CCDC159: variants seen among roughly 807,000 people sequenced by gnomAD.
CCDC159 encodes coiled-coil domain containing 159.
In CCDC159, 40 loss-of-function variants were observed where a neutral mutation model predicts 50.9. That is an observed-to-expected ratio of 0.79 (90% CI 0.61 to 1.02). The LOEUF (loss-of-function observed/expected upper bound fraction) is 1.02, where lower values mean the gene tolerates loss of function less well. Ranked by LOEUF, CCDC159 falls within the 50% of genes least tolerant of loss-of-function variation. CCDC159 has a pLI of 0.00. For synonymous variants in CCDC159, 146 were observed against 138.9 expected, an observed-to-expected ratio of 1.05 and a Z score of -0.36; for missense variants, 356 against 371.5, an observed-to-expected ratio of 0.96 and a Z score of 0.34.
intron 5 of CCDC159, 71 bp from the exon 6 acceptor site, chr19:11,351,835 G>A (rs999804424): frequency 5.0e-6 from 7 of 1,387,778 alleles, no homozygotes; most frequent in East Asian, 2.5e-5. Context: ...GATGGGTGGA[G>A]GCACAGATAG....
Position 11,353,462 on chromosome 19 carries a change from G to A in CCDC159, c.579G>A (p.Lys193=). ...TQVKCRKILT[K]MKQQGHETAA... ...CCTCCCCACCCCAGATCCTGACCAA[G>A]ATGAAGCAGCAGGGTCATGAGACAG... The change falls in exon 8 of 11, where the codon AAG becomes AAA. Residue 193 remains lysine (K), a synonymous_variant. Transcript: ENST00000458408. 3 of 1,581,426 alleles carry A rather than the reference G, an allele frequency of 1.9e-6. No homozygotes were observed. The South Asian group carries it at 3.5e-5, about 18-fold the overall frequency.
chr19:11,348,246 C>T (rs1161823770), intron 1 of CCDC159: 2 of 434,162 alleles, frequency 4.6e-6, no homozygotes, highest in East Asian at 1.4e-4. Flanking sequence ...GGGTCCTTCT[C>T]ACTGCCCAGC....
chr19:11,349,023 C>CAG lies in CCDC159; in HGVS notation c.22-627_22-626dup, dbSNP rs765806768. 2.2e-6 allele frequency: 3 copies of CAG among 1,341,146 alleles called. No homozygotes were observed. In the Admixed American group the frequency reaches 6.0e-5, roughly 27 times the overall value. The allele number at this position is 1,341,146 out of a possible 1,614,324, so 83.1% of individuals were successfully genotyped here. A position where few individuals can be genotyped will look rare whatever the true frequency, so the allele number is the denominator to read the frequency against. The stretch of plus-strand genomic sequence containing the variant: ...GCTCACTGGTCCAGGACTCCAGAGC[C>CAG]AGAGACCTTGGGATGCCCTGCTTCT... On this transcript the variant is annotated intron_variant, in intron 1 of 10. Coordinates refer to ENST00000458408, the MANE Select transcript of CCDC159 (RefSeq NM_001080503.3).
At chr19:11,348,910 G>C (rs770888112) in intron 1 of CCDC159, 3 of 1,220,592 alleles carry the variant, frequency 2.5e-6, no homozygotes, top group Admixed American at 3.8e-5. Context: ...CACTGGGAGG[G>C]GCTGGGAATG....
rs1198029136 is a variant in CCDC159, at chr19:11,353,517, C to G, written c.634C>G (p.Gln212Glu). Residue 212 changes from glutamine to glutamate, a missense_variant, in exon 8 of 11, where the codon CAG becomes GAG. Coordinates refer to ENST00000458408, the MANE Select transcript of CCDC159 (RefSeq NM_001080503.3). ...AACPETEEIPQGASGCWKDDL... is the reference protein window; with the variant it reads ...AACPETEEIPEGASGCWKDDL... Reference sequence around the variant, plus strand: ...CTGTCCGGAGACTGAAGAGATACCGCAGGGAGCCAGTGGCTGCTGGAAGGA... The same window carrying G: ...CTGTCCGGAGACTGAAGAGATACCGGAGGGAGCCAGTGGCTGCTGGAAGGA... The G allele has an allele frequency of 1.2e-6, 2 of 1,613,022 alleles. No individual in the cohort carries two copies.
chr19:11,349,935 C>T lies in CCDC159; in HGVS notation c.56-3C>T. 1 of 1,613,840 alleles carries T rather than the reference C, an allele frequency of 6.2e-7. No homozygotes were observed. Among genetic ancestry groups the T allele is most frequent in the Non-Finnish European group, 8.5e-7 (1 of 1,179,812 alleles). ...CCTGGCTCACCCTCTTCTCTGCCCA[C>T]AGCCAAGACCATTGTGATGATTCCC... On this transcript the variant is annotated splice_region_variant and splice_polypyrimidine_tract_variant and intron_variant, in intron 2 of 10. Coordinates refer to ENST00000458408, the MANE Select transcript of CCDC159 (RefSeq NM_001080503.3).
Position 11,353,872 on chromosome 19 carries a change from G to T in CCDC159, c.770G>T (p.Arg257Ile). Residue 257 changes from arginine to isoleucine, a missense_variant and splice_region_variant, in exon 9 of 11, where the codon AGA becomes ATA. Arg to Ile is a moderately conservative substitution (Grantham distance 97). Coordinates refer to ENST00000458408, the MANE Select transcript of CCDC159 (RefSeq NM_001080503.3). ...SGACPKASSL[R>I]GHKGHQCLSP... ...GCCTGTCCCAAGGCCTCGAGCCTAA[G>T]AGGTGAGGGAGGCTGAGAATTGCTC... 1 of 1,565,628 alleles carries T rather than the reference G, an allele frequency of 6.4e-7. No individual in the cohort carries two copies.
intron 1 of CCDC159, chr19:11,348,225 T>C (rs1270669845): frequency 2.2e-6 from 1 of 446,330 alleles, no homozygotes; most frequent in Non-Finnish European, 4.5e-6. Flanking sequence ...TTTTTTTCTT[T>C]GGGGCCTTCT....
chr19:11,354,892 TC>T lies in CCDC159; in HGVS notation c.*16del. The T allele has an allele frequency of 6.2e-7, 1 of 1,613,368 alleles. No homozygotes were observed. The highest frequency in any genetic ancestry group is 2.2e-5 in the East Asian group (1 of 44,858). Reference sequence around the variant, plus strand: ...CCACAGCTTGAGCAGCCGGGACTGCTCTCCCTGAAGACCCCTCCAGAGAGAA... The same window carrying T: ...CCACAGCTTGAGCAGCCGGGACTGCTTCCCTGAAGACCCCTCCAGAGAGAA... On this transcript the variant is annotated 3_prime_UTR_variant, in exon 11 of 11. Transcript: ENST00000458408.
At chr19:11,347,299 G>A (rs377119730) in intron 1 of CCDC159, among the ~76,000 whole-genome samples, 1 of 152,138 alleles carries the variant, frequency 6.6e-6, no homozygotes, top group South Asian at 2.1e-4. Flanking sequence ...GATTAAGGAA[G>A]ATTTTACTGA....
chr19:11,351,781 G>A, intron 5 of CCDC159, 125 bp from the exon 6 acceptor site: 3 of 748,624 alleles, frequency 4.0e-6, no homozygotes, highest in South Asian at 3.3e-5. Flanking sequence ...AGAAGGGGAG[G>A]GGAAAAGGGC....
chr19:11,351,120 T>G, intron 5 of CCDC159, 117 bp downstream of exon 5: 41 of 972,342 alleles, frequency 4.2e-5, no homozygotes, highest in East Asian at 5.8e-5. Context: ...GACTGAGGGA[T>G]GGTGGAAAGC....
At chr19:11,349,724 A>C (rs765377533) in intron 2 of CCDC159, 37 bp downstream of exon 2, 5 of 1,517,850 alleles carry the variant, frequency 3.3e-6, no homozygotes, top group Non-Finnish European at 4.6e-6. Flanking sequence ...TGTGTGGGGA[A>C]GACCTGCTGG....
chr19:11,349,498 G>A, intron 1 of CCDC159, 156 bp from the exon 2 acceptor site: 2 of 880,098 alleles, frequency 2.3e-6, no homozygotes, highest in Middle Eastern at 2.3e-4. Context: ...GGAGGTGCAT[G>A]AATATGCCTG....
chr19:11,352,034 G>A (rs771867495), intron 6 of CCDC159, 23 bp from the exon 7 acceptor site: 22 of 1,613,070 alleles, frequency 1.4e-5, no homozygotes, highest in Admixed American at 3.3e-5. Flanking sequence ...GCCTTTGTCC[G>A]CCTGAGCCCC....
At chr19:11,349,266 G>T in intron 1 of CCDC159, 1 of 993,210 alleles carries the variant, frequency 1.0e-6, no homozygotes, top group South Asian at 1.5e-5. Context: ...GCTTAGGGAA[G>T]GGGCTGTAAG....
At chr19:11,353,744 G>T in intron 8 of CCDC159, 48 bp from the exon 9 acceptor site, 1 of 1,551,296 alleles carries the variant, frequency 6.4e-7, no homozygotes, top group South Asian at 1.2e-5. Context: ...TCTACACCCT[G>T]AGCAGTGTGG....
chr19:11,353,765 C>T (rs568436297), intron 8 of CCDC159, 27 bp from the exon 9 acceptor site: 20 of 1,572,952 alleles, frequency 1.3e-5, no homozygotes, highest in Non-Finnish European at 1.6e-5. Context: ...AGTCTCCCAG[C>T]GCCCCCAGCT....
chr19:11,354,829 C>G, intron 10 of CCDC159, 44 bp from the exon 11 acceptor site: 1 of 1,612,766 alleles, frequency 6.2e-7, no homozygotes, highest in African/African-American at 1.3e-5. Context: ...GCCCCGGAGT[C>G]CCCTGGACCT....
Sources: allele counts gnomAD v4.1 joint callset (sites outside exome capture counted in the v4.1 genomes callset), GRCh38; gene constraint gnomAD v4.1.1; transcripts MANE v1.5; gene names NCBI Gene and HGNC (gene_info 2026-07-23, HGNC 2026-07-21).